CASP8: variants seen among roughly 807,000 people sequenced by gnomAD.
The protein encoded by CASP8 is caspase-8.
Under a neutral mutation model 46.3 loss-of-function variants are expected in CASP8, and 24 were observed. The observed-to-expected ratio is 0.52, with a 90% CI of 0.38 to 0.73. The LOEUF (loss-of-function observed/expected upper bound fraction) is 0.73, where lower values mean the gene tolerates loss of function less well. Ranked by LOEUF, CASP8 falls within the 30% of genes least tolerant of loss-of-function variation. The pLI is 0.00. For synonymous variants in CASP8, 188 were observed against 200.4 expected, an observed-to-expected ratio of 0.94 and a Z score of 0.52; for missense variants, 460 against 559.0, an observed-to-expected ratio of 0.82 and a Z score of 1.79.
At position 201,266,426 on chromosome 2, in the gene CASP8, T is replaced by G; in HGVS notation, c.-26-35T>G. 8 of 1,530,278 alleles carry G rather than the reference T, an allele frequency of 5.2e-6. No individual in the cohort carries two copies. The highest frequency in any genetic ancestry group is 7.2e-6 in the Non-Finnish European group (8 of 1,104,050). The allele number at this position is 1,530,278 out of a possible 1,614,324, so 94.8% of individuals were successfully genotyped here. On this transcript the variant is annotated intron_variant, in intron 1 of 8. Coordinates refer to ENST00000673742, the MANE Select transcript of CASP8 (RefSeq NM_001372051.1). This position sits in a 1 kb window ranked among gnomAD's most constrained non-coding sequence, Gnocchi z 5.7. ...AACAAGCCAGCAAATGGTACTTTTC[T>G]TCCTTATCTGAACATACCATTTATT...
At chr2:201,281,732 G>A in intron 7 of CASP8, 1 of 610,208 alleles carries the variant, frequency 1.6e-6, no homozygotes, top group Non-Finnish European at 2.7e-6. Flanking sequence ...TTTAAAATTG[G>A]TTCAGTAGTA....
upstream of CASP8, among the ~76,000 whole-genome samples, chr2:201,256,689 TC>T (rs934975374): frequency 1.3e-5 from 2 of 152,198 alleles, no homozygotes; most frequent in Non-Finnish European, 2.9e-5. Context: ...AGTCTTAGTT[TC>T]CTCATCCATA....
chr2:201,258,929 G>C (rs1416099517), upstream of CASP8, among the ~76,000 whole-genome samples: 2 of 152,000 alleles, frequency 1.3e-5, no homozygotes, highest in Non-Finnish European at 2.9e-5. Flanking sequence ...GAATTTATCT[G>C]TATCTTTGCA....
Position 201,238,479 on chromosome 2 carries a change from T to C in CASP8, c.-27+4367T>C, listed in dbSNP as rs188956797. On this transcript the variant is annotated intron_variant, in intron 2 of 6. Coordinates refer to the CASP8 transcript ENST00000264274. ...TTTCTTGAGATGGAGTCTTACTCTG[T>C]CACTCAGGCTGGAGTGCAGTGGCGT... Among the ~76,000 whole-genome samples, 46 of 152,152 alleles carry C rather than the reference T, an allele frequency of 3.0e-4. No homozygotes were observed. The East Asian group carries it at 6.8e-3, about 22-fold the overall frequency.
intron 5 of CASP8, among the ~76,000 whole-genome samples, chr2:201,274,208 C>G (rs1002438496): frequency 2.0e-5 from 3 of 152,124 alleles, no homozygotes; most frequent in Admixed American, 6.5e-5. Flanking sequence ...GAGCCTAAGG[C>G]CTTAAGAATA....
chr2:201,234,616 AT>A lies in CASP8; in HGVS notation c.-27+515del, dbSNP rs11407922. The stretch of plus-strand genomic sequence containing the variant: ...AGGCACCTGCTTCCATGCCTGGCTA[AT>A]TTTTTTTTTTGTATTTTTAGTAGAG... On this transcript the variant is annotated intron_variant, in intron 2 of 6. Transcript: ENST00000264274. 3.0e-3 allele frequency among the ~76,000 whole-genome samples: 434 copies of A among 144,874 alleles called. 1 individual carries two copies. Among genetic ancestry groups the A allele is most frequent in the African/African-American group, 9.3e-3 (366 of 39,152 alleles).
At position 201,284,985 on chromosome 2, in the gene CASP8, T is replaced by C. The variant is rs368087314; in HGVS notation, c.972T>C (p.Tyr324=). 14 of 1,614,072 alleles carry C rather than the reference T, an allele frequency of 8.7e-6. No individual in the cohort carries two copies. The highest frequency in any genetic ancestry group is 5.3e-5 in the African/African-American group (4 of 74,916). ...CCCATGGAGACAAGGGCATCATCTATGGCACTGATGGACAGGAGGCCCCCA... is the reference window on the plus strand; with the variant it reads ...CCCATGGAGACAAGGGCATCATCTACGGCACTGATGGACAGGAGGCCCCCA... ...ILSHGDKGII[Y]GTDGQEAPIY... The change falls in exon 8 of 9, where the codon TAT becomes TAC. Residue 324 remains tyrosine, a synonymous_variant. Transcript: ENST00000673742.
In CASP8 at chr2:201,285,412, A is replaced by C. The variant is rs894459364; in HGVS notation, c.1304+95A>C. On this transcript the variant is annotated intron_variant, in intron 8 of 8. Transcript: ENST00000673742. Reference sequence around the variant, plus strand: ...CTACTCATATTCAGAGCCTATTAGAAAGTGCTATGTGATTTAGATCACATT... The same window carrying C: ...CTACTCATATTCAGAGCCTATTAGACAGTGCTATGTGATTTAGATCACATT... 7 of 1,448,794 alleles carry C rather than the reference A, an allele frequency of 4.8e-6. No individual in the cohort carries two copies. In the East Asian group the frequency reaches 1.4e-4, roughly 28 times the overall value. 89.7% of individuals were successfully genotyped at this position (1,448,794 alleles called of 1,614,324 possible).
At chr2:201,275,950 TAA>T (rs1276221245) in intron 6 of CASP8, among the ~76,000 whole-genome samples, 1 of 152,164 alleles carries the variant, frequency 6.6e-6, no homozygotes, top group Admixed American at 6.5e-5. Flanking sequence ...CTGTAAATAA[TAA>T]AAACTTAACA....
At chr2:201,273,944 G>A (rs1948462957) in intron 5 of CASP8, among the ~76,000 whole-genome samples, 1 of 151,758 alleles carries the variant, frequency 6.6e-6, no homozygotes, top group African/African-American at 2.4e-5. Context: ...CAAAGTGCTG[G>A]GACTATAGGC....
chr2:201,241,301 A>T (rs1946289157), intron 2 of CASP8: 1 of 152,228 alleles, frequency 6.6e-6, no homozygotes, highest in Non-Finnish European at 1.5e-5. Flanking sequence ...AACAAAATCA[A>T]CAAATCCCTA....
intron 5 of CASP8, among the ~76,000 whole-genome samples, chr2:201,274,239 A>C (rs1948479385): frequency 2.6e-5 from 4 of 152,184 alleles, no homozygotes. Context: ...TAAAGTACTA[A>C]ATCATTAATT....
At chr2:201,274,465 A>C (rs541851690) in intron 5 of CASP8, among the ~76,000 whole-genome samples, 72 of 152,136 alleles carry the variant, frequency 4.7e-4, no homozygotes, top group African/African-American at 1.7e-3. Flanking sequence ...CAGTCTGTGA[A>C]TTTTCATTTT....
intron 2 of CASP8, chr2:201,269,550 C>T: frequency 1.2e-6 from 2 of 1,613,624 alleles, no homozygotes; most frequent in Non-Finnish European, 1.7e-6. Flanking sequence ...AGCAAACAGC[C>T]AGTGCCAGAC....
At chr2:201,258,374 G>C, upstream of CASP8, 3 of 1,613,976 alleles carry the variant, frequency 1.9e-6, no homozygotes, top group Non-Finnish European at 2.5e-6. Flanking sequence ...CCAGGAAAGG[G>C]TGGAGCGGGT....
At position 201,286,760 on chromosome 2, in the gene CASP8, G is replaced by T; in HGVS notation, c.*166G>T. The T allele has an allele frequency of 3.5e-6, 2 of 574,256 alleles. No individual in the cohort carries two copies. Among genetic ancestry groups the T allele is most frequent in the Non-Finnish European group, 6.3e-6 (2 of 319,716 alleles). The allele number at this position is 574,256 out of a possible 1,614,324, so 35.6% of individuals were successfully genotyped here. A position where few individuals can be genotyped will look rare whatever the true frequency, so the allele number is the denominator to read the frequency against. On this transcript the variant is annotated 3_prime_UTR_variant, in exon 9 of 9. Coordinates refer to ENST00000673742, the MANE Select transcript of CASP8 (RefSeq NM_001372051.1). Reference sequence around the variant, plus strand: ...CCTCCCGAGTAGCTGGGACTACAGGGGCCCGCCACCACACCTGGCTAATTT... The same window carrying T: ...CCTCCCGAGTAGCTGGGACTACAGGTGCCCGCCACCACACCTGGCTAATTT...
upstream of CASP8, among the ~76,000 whole-genome samples, chr2:201,259,307 GGACCAC>G (rs1947221905): frequency 6.6e-6 from 1 of 152,048 alleles, no homozygotes; most frequent in African/African-American, 2.4e-5. Flanking sequence ...AGATTAGCTG[GGACCAC>G]AGGCGCGTGC....
chr2:201,269,387 T>C, intron 2 of CASP8: 1 of 677,160 alleles, frequency 1.5e-6, no homozygotes, highest in South Asian at 1.5e-5. Context: ...TTTACTAGCA[T>C]TGTGAAGTCT....
chr2:201,243,843 C>T (rs761618242), intron 2 of CASP8, among the ~76,000 whole-genome samples: 8 of 152,212 alleles, frequency 5.3e-5, no homozygotes, highest in Non-Finnish European at 8.8e-5. Context: ...GCAGCTCCCC[C>T]AAGGACCTGC....
Sources: allele counts gnomAD v4.1 joint callset (sites outside exome capture counted in the v4.1 genomes callset), GRCh38; gene constraint gnomAD v4.1.1; non-coding constraint Gnocchi (gnomAD v3.1); transcripts MANE v1.5; gene names NCBI Gene and HGNC (gene_info 2026-07-23, HGNC 2026-07-21).